PHKB: variants seen among roughly 807,000 people sequenced by gnomAD.
PHKB encodes the protein phosphorylase kinase regulatory subunit beta, also known as phosphorylase b kinase regulatory subunit beta.
Under a neutral mutation model 152.1 loss-of-function variants are expected in PHKB, and 122 were observed. That is an observed-to-expected ratio of 0.80 (90% confidence interval 0.69 to 0.93). PHKB has a LOEUF of 0.93. Among genes scored for constraint, PHKB ranks in the 40% least tolerant of loss-of-function variants. The pLI is 0.00. For missense variants in PHKB, 1,304 were observed against 1,328.4 expected (o/e 0.98, Z 0.29); for synonymous variants, 436 against 464.9 (o/e 0.94, Z 0.80).
Position 47,482,850 on chromosome 16 carries a change from A to G in PHKB, c.77-14549A>G, listed in dbSNP as rs144557219. Among the ~76,000 whole-genome samples, 1,437 of 151,192 alleles carry G rather than the reference A, an allele frequency of 9.5e-3. 11 individuals carry two copies. Among genetic ancestry groups the G allele is most frequent in the South Asian group, 0.014 (69 of 4,768 alleles). ...ATTCTCCCACCTCAGCCTCCCATGT[A>G]ACTGGGATTGCAGGCACACACCACC... On this transcript the variant is annotated intron_variant, in intron 1 of 30. Transcript: ENST00000323584.
chr16:47,497,720 T>G (rs997327554), intron 2 of PHKB, among the ~76,000 whole-genome samples: 7 of 152,196 alleles, frequency 4.6e-5, no homozygotes, highest in African/African-American at 1.7e-4. Context: ...CACCAATATC[T>G]TCTGTGTTTT....
chr16:47,606,068 CTG>C (rs1216219697), intron 13 of PHKB, among the ~76,000 whole-genome samples: 1 of 152,194 alleles, frequency 6.6e-6, no homozygotes, highest in Non-Finnish European at 1.5e-5. Context: ...AGCTTAATAA[CTG>C]TGTAGGTATT....
At position 47,639,281 on chromosome 16, in the gene PHKB, G is replaced by GAAAC. The variant is rs373812642; in HGVS notation, c.1459-1734_1459-1731dup. Among the ~76,000 whole-genome samples the GAAAC allele has an allele frequency of 5.8e-3, 888 of 152,184 alleles. 7 individuals carry two copies. The highest frequency in any genetic ancestry group is 0.02 in the African/African-American group (827 of 41,512). ...TGGGCAATAGAGTGAAAACCTGTCTGAAACAAACAAACAAACAAACAAATC... is the reference window on the plus strand; with the variant it reads ...TGGGCAATAGAGTGAAAACCTGTCTGAAACAAACAAACAAACAAACAAACAAATC... On this transcript the variant is annotated intron_variant, in intron 14 of 30. Transcript: ENST00000323584.
chr16:47,625,957 C>T (rs1972701702), intron 14 of PHKB, among the ~76,000 whole-genome samples: 1 of 152,182 alleles, frequency 6.6e-6, no homozygotes, highest in African/African-American at 2.4e-5. Context: ...TAATATCCTA[C>T]TGAAGTCCTT....
intron 25 of PHKB, among the ~76,000 whole-genome samples, chr16:47,668,345 A>G (rs1300049181): frequency 2.6e-5 from 4 of 152,104 alleles, no homozygotes; most frequent in African/African-American, 9.7e-5. Flanking sequence ...CTCCATTACA[A>G]AATTGAGGCA....
chr16:47,563,873 T>C (rs1465719139), intron 7 of PHKB, among the ~76,000 whole-genome samples: 1 of 152,102 alleles, frequency 6.6e-6, no homozygotes, highest in Non-Finnish European at 1.5e-5. Context: ...TTGTGTACCC[T>C]TCATTTAGCT....
intron 7 of PHKB, among the ~76,000 whole-genome samples, chr16:47,563,604 G>A (rs1234476602): frequency 1.3e-5 from 2 of 152,128 alleles, no homozygotes; most frequent in Non-Finnish European, 2.9e-5. Context: ...AGAGCATAGA[G>A]TAGGTTTAAC....
chr16:47,563,994 C>CT (rs899061752), intron 7 of PHKB, among the ~76,000 whole-genome samples: 7,048 of 82,042 alleles, frequency 0.086, 273 homozygotes, highest in South Asian at 0.14. Flanking sequence ...TTATTTCATT[C>CT]TTTTTTTTTT....
intron 1 of PHKB, among the ~76,000 whole-genome samples, chr16:47,468,117 A>T (rs1273078473): frequency 6.6e-6 from 1 of 152,110 alleles, no homozygotes; most frequent in African/African-American, 2.4e-5. Context: ...TAATCTGTAA[A>T]TCTTTCTACT....
At chr16:47,469,539 G>A (rs1437239197) in intron 1 of PHKB, among the ~76,000 whole-genome samples, 1 of 152,068 alleles carries the variant, frequency 6.6e-6, no homozygotes, top group Admixed American at 6.6e-5. Context: ...CTAAGTGGGA[G>A]CTAAACATTG....
At chr16:47,691,378 C>T (rs1192666857) in intron 27 of PHKB, among the ~76,000 whole-genome samples, 1 of 151,996 alleles carries the variant, frequency 6.6e-6, no homozygotes, top group African/African-American at 2.4e-5. Context: ...TTGTTTACTC[C>T]CTGGTTTTAT....
Position 47,660,581 on chromosome 16 carries a change from GGTT to G in PHKB, c.2033+15_2033+17del. On this transcript the variant is annotated intron_variant, in intron 21 of 30. Transcript: ENST00000323584. ...TGACACAGAAGAGTAAGTCCCTTTG[GGTT>G]ATTTCATTTTTGGGTTTTTTGAAAT... 2 of 1,612,360 alleles carry G rather than the reference GGTT, an allele frequency of 1.2e-6. No homozygotes were observed. Among genetic ancestry groups the G allele is most frequent in the Non-Finnish European group, 1.7e-6 (2 of 1,178,558 alleles).
At chr16:47,575,868 G>A (rs1476233804) in intron 7 of PHKB, among the ~76,000 whole-genome samples, 1 of 152,098 alleles carries the variant, frequency 6.6e-6, no homozygotes, top group African/African-American at 2.4e-5. Context: ...CCTGAGGTTG[G>A]GAGTTCAAGA....
chr16:47,656,611 T>C (rs1973343821), intron 20 of PHKB, among the ~76,000 whole-genome samples: 1 of 152,228 alleles, frequency 6.6e-6, no homozygotes, highest in Non-Finnish European at 1.5e-5. Context: ...TTCACTTTGT[T>C]GTGCAAACAA....
intron 16 of PHKB, among the ~76,000 whole-genome samples, chr16:47,644,273 T>C (rs1973077395): frequency 1.3e-5 from 2 of 152,256 alleles, no homozygotes; most frequent in Non-Finnish European, 2.9e-5. Context: ...TTCTGGCCAG[T>C]TGACTTTGTC....
Position 47,593,108 on chromosome 16 carries a change from AAG to A in PHKB, c.1069-389_1069-388del, listed in dbSNP as rs1214034121. 6.2e-5 allele frequency among the ~76,000 whole-genome samples: 9 copies of A among 145,422 alleles called. No homozygotes were observed. In the East Asian group the frequency reaches 1.1e-3, roughly 18 times the overall value. On this transcript the variant is annotated intron_variant, in intron 10 of 30. Transcript: ENST00000323584. Reference sequence around the variant, plus strand: ...CTCTGAGAAGAAAGAAAGAAAGAAAAAGAGGGGGGGGAGGGAGAGAGAGAGAG... The same window carrying A: ...CTCTGAGAAGAAAGAAAGAAAGAAAAAGGGGGGGGAGGGAGAGAGAGAGAG...
chr16:47,473,518 T>C (rs1203520871), intron 1 of PHKB, among the ~76,000 whole-genome samples: 2 of 152,138 alleles, frequency 1.3e-5, no homozygotes, highest in Non-Finnish European at 2.9e-5. Context: ...CTTTTTCTTA[T>C]AGACTTTATT....
Position 47,646,453 on chromosome 16 carries a change from C to T in PHKB, c.1609-2080C>T, listed in dbSNP as rs755700315. On this transcript the variant is annotated intron_variant, in intron 16 of 30. Coordinates refer to ENST00000323584, the MANE Select transcript of PHKB (RefSeq NM_000293.3). ...CTAGATGACACGTTAGTGGGTGCAGCGCACCAGCATGGCACATGTATACAT... is the reference window on the plus strand; with the variant it reads ...CTAGATGACACGTTAGTGGGTGCAGTGCACCAGCATGGCACATGTATACAT... 1.0e-3 allele frequency among the ~76,000 whole-genome samples: 124 copies of T among 120,720 alleles called. 1 individual carries two copies. In the Middle Eastern group the frequency reaches 0.021, roughly 20 times the overall value. The allele number at this position is 120,720 out of a possible 152,430, so 79.2% of individuals were successfully genotyped here.
chr16:47,576,497 C>T (rs972765409), intron 7 of PHKB, among the ~76,000 whole-genome samples: 6 of 152,138 alleles, frequency 3.9e-5, no homozygotes, highest in African/African-American at 1.4e-4. Context: ...TCATTTAGTT[C>T]CTCTGTATCC....
Sources: allele counts gnomAD v4.1 joint callset (sites outside exome capture counted in the v4.1 genomes callset), GRCh38; gene constraint gnomAD v4.1.1; transcripts MANE v1.5; gene names NCBI Gene and HGNC (gene_info 2026-07-23, HGNC 2026-07-21).